NSMCE2: variants seen among roughly 807,000 people sequenced by gnomAD.
NSMCE2 encodes the protein E3 SUMO-protein ligase NSE2.
In NSMCE2, 24 loss-of-function variants were observed where a neutral mutation model predicts 23.8. That is an observed-to-expected ratio of 1.01 (90% confidence interval 0.73 to 1.42). The LOEUF is 1.42. NSMCE2 is among the 40% of genes most tolerant of loss of function. The pLI is 0.00. For missense variants in NSMCE2, 284 were observed against 296.5 expected (o/e 0.96, Z 0.31); for synonymous variants, 92 against 94.1 (o/e 0.98, Z 0.13).
intron 5 of NSMCE2, among the ~76,000 whole-genome samples, chr8:125,280,315 G>A (rs1827641167): frequency 6.6e-6 from 1 of 152,220 alleles, no homozygotes; most frequent in Non-Finnish European, 1.5e-5. Context: ...CTCAGAGAGA[G>A]ATTCCATAAA....
chr8:125,191,124 G>A (rs559382950), intron 5 of NSMCE2, among the ~76,000 whole-genome samples: 22 of 152,056 alleles, frequency 1.4e-4, no homozygotes, highest in African/African-American at 4.8e-4. Context: ...CACCCGCCTC[G>A]GCCTCCCAAA....
intron 3 of NSMCE2, among the ~76,000 whole-genome samples, chr8:125,119,170 C>T (rs1392389933): frequency 6.6e-6 from 1 of 152,154 alleles, no homozygotes; most frequent in East Asian, 1.9e-4. Flanking sequence ...CCTCCTGTTA[C>T]CGTGGAATCT....
intron 3 of NSMCE2, among the ~76,000 whole-genome samples, chr8:125,127,428 T>C (rs1819568577): frequency 6.6e-6 from 1 of 152,182 alleles, no homozygotes; most frequent in Non-Finnish European, 1.5e-5. Flanking sequence ...AACAAAAGTA[T>C]GTTCTAGTTT....
chr8:125,247,906 G>A (rs931223778), intron 5 of NSMCE2, among the ~76,000 whole-genome samples: 1 of 152,094 alleles, frequency 6.6e-6, no homozygotes, highest in Non-Finnish European at 1.5e-5. Context: ...GAACTAAAGT[G>A]ACCACTTTCC....
In NSMCE2 at chr8:125,239,115, G is replaced by A. The variant is rs571555705; in HGVS notation, c.418+56859G>A. Among the ~76,000 whole-genome samples the A allele has an allele frequency of 5.9e-5, 9 of 152,124 alleles. No homozygotes were observed. In the East Asian group the frequency reaches 1.7e-3, roughly 29 times the overall value. Reference sequence around the variant, plus strand: ...GAGGATCCAGTTTTCATCCCATTTGGCAAGGTTGGTTTCATGGACTGAGCC... The same window carrying A: ...GAGGATCCAGTTTTCATCCCATTTGACAAGGTTGGTTTCATGGACTGAGCC... On this transcript the variant is annotated intron_variant, in intron 5 of 7. Coordinates refer to ENST00000287437, the MANE Select transcript of NSMCE2 (RefSeq NM_173685.4).
At chr8:125,177,506 C>G (rs1408602262) in intron 4 of NSMCE2, among the ~76,000 whole-genome samples, 9 of 152,216 alleles carry the variant, frequency 5.9e-5, no homozygotes. Flanking sequence ...CATCTCAACA[C>G]AGTGTAATTT....
intron 3 of NSMCE2, among the ~76,000 whole-genome samples, chr8:125,122,999 G>A (rs1211587632): frequency 6.6e-6 from 1 of 152,150 alleles, no homozygotes; most frequent in Admixed American, 6.6e-5. Flanking sequence ...GTCTAGAGAA[G>A]TTTGATAGTT....
At chr8:125,170,376 C>CTTTTTTTTTTTTTTTTTTTTTTT (rs565593006) in intron 4 of NSMCE2, among the ~76,000 whole-genome samples, 2 of 37,864 alleles carry the variant, frequency 5.3e-5, no homozygotes, top group Non-Finnish European at 1.0e-4. Context: ...CTCTTTATTT[C>CTTTTTTTTTTTTTTTTTTTTTTT]TTTTTTTTTT....
chr8:125,117,334 G>A (rs558037129), intron 3 of NSMCE2, among the ~76,000 whole-genome samples: 56 of 151,884 alleles, frequency 3.7e-4, no homozygotes, highest in Non-Finnish European at 7.6e-4. Flanking sequence ...CAATTCTCAC[G>A]CCTCAGCCTC....
chr8:125,363,645 AG>A (rs1282061780), intron 7 of NSMCE2, among the ~76,000 whole-genome samples: 4 of 104,738 alleles, frequency 3.8e-5, no homozygotes, highest in African/African-American at 7.5e-5. Flanking sequence ...AGAAGAGAGG[AG>A]GAGGAAGGAG....
At chr8:125,173,953 A>T (rs914043422) in intron 4 of NSMCE2, among the ~76,000 whole-genome samples, 40 of 152,274 alleles carry the variant, frequency 2.6e-4, no homozygotes, top group African/African-American at 9.4e-4. Flanking sequence ...TGTGTATATA[A>T]GGCTTTGAAC....
chr8:125,319,546 G>A (rs1469551526), intron 5 of NSMCE2, among the ~76,000 whole-genome samples: 1 of 152,094 alleles, frequency 6.6e-6, no homozygotes, highest in Non-Finnish European at 1.5e-5. Context: ...GGCAGTGGGG[G>A]TGTATGTCTT....
chr8:125,102,439 G>GT lies in NSMCE2; in HGVS notation c.109_110insT (p.Gly37ValfsTer7), dbSNP rs1272923733. 5 of 1,613,796 alleles carry GT rather than the reference G, an allele frequency of 3.1e-6. No homozygotes were observed. The highest frequency in any genetic ancestry group is 3.3e-5 in the Admixed American group (2 of 59,994). ...AAACTTCCAAGCCTGTATCAACTCT[G>GT]GTATGGACACAGCTTCTAGTGTTGC... On this transcript the variant is annotated frameshift_variant, in exon 3 of 8. Coordinates refer to ENST00000287437, the MANE Select transcript of NSMCE2 (RefSeq NM_173685.4). LOFTEE classifies it high-confidence loss of function.
At chr8:125,133,885 G>A (rs950342513) in intron 3 of NSMCE2, among the ~76,000 whole-genome samples, 4 of 152,150 alleles carry the variant, frequency 2.6e-5, no homozygotes, top group Admixed American at 2.0e-4. Flanking sequence ...TAGAACCGTG[G>A]ATCTCAAATT....
intron 5 of NSMCE2, among the ~76,000 whole-genome samples, chr8:125,267,435 GAAGT>G (rs1393101916): frequency 2.0e-5 from 3 of 152,184 alleles, no homozygotes; most frequent in Non-Finnish European, 4.4e-5. Context: ...CCAAATGTGA[GAAGT>G]AAGGCTAGAC....
chr8:125,120,003 A>G (rs1284279787), intron 3 of NSMCE2, among the ~76,000 whole-genome samples: 1 of 152,170 alleles, frequency 6.6e-6, no homozygotes, highest in African/African-American at 2.4e-5. Context: ...AAAAAGTAAG[A>G]AGAAAGAGGA....
chr8:125,147,338 A>T (rs1027841320), intron 3 of NSMCE2, among the ~76,000 whole-genome samples: 7 of 152,256 alleles, frequency 4.6e-5, no homozygotes, highest in Admixed American at 1.3e-4. Flanking sequence ...TATGAAATAT[A>T]ATGGCCTTAG....
At chr8:125,143,749 G>T (rs948554324) in intron 3 of NSMCE2, among the ~76,000 whole-genome samples, 4 of 152,210 alleles carry the variant, frequency 2.6e-5, no homozygotes, top group African/African-American at 9.6e-5. Context: ...AAACTATACA[G>T]TTGAATCAGA....
At chr8:125,170,771 C>T (rs1435210410) in intron 4 of NSMCE2, among the ~76,000 whole-genome samples, 4 of 152,172 alleles carry the variant, frequency 2.6e-5, no homozygotes, top group African/African-American at 7.2e-5. Context: ...GTTTCTCCTA[C>T]TGTCACCCTA....
Sources: gnomAD v4.1 joint callset for allele counts (sites outside exome capture counted in the v4.1 genomes callset) on GRCh38, gnomAD v4.1.1 for gene constraint, MANE v1.5 for transcripts, NCBI Gene and HGNC (gene_info 2026-07-23, HGNC 2026-07-21) for gene names.